Variants in GRIN2A observed in about 807,000 individuals in gnomAD.
The protein encoded by GRIN2A is glutamate receptor ionotropic, NMDA 2A.
Under a neutral mutation model 113.4 loss-of-function variants are expected in GRIN2A, and 22 were observed. The observed-to-expected ratio is 0.19, with a 90% CI of 0.14 to 0.28. The LOEUF (loss-of-function observed/expected upper bound fraction) is 0.28, where lower values mean the gene tolerates loss of function less well. Among genes scored for constraint, GRIN2A ranks in the 10% least tolerant of loss-of-function variants. The pLI, the probability that GRIN2A is intolerant of heterozygous loss-of-function variation, is 1.00. For synonymous variants in GRIN2A, 827 were observed against 738.4 expected, an observed-to-expected ratio of 1.12 and a Z score of -1.94; for missense variants, 1,502 against 1,887.0, an observed-to-expected ratio of 0.80 and a Z score of 3.78.
intron 2 of GRIN2A, among the ~76,000 whole-genome samples, chr16:10,139,305 G>C (rs1473399868): frequency 1.3e-5 from 2 of 152,158 alleles, no homozygotes; most frequent in Admixed American, 6.5e-5. Flanking sequence ...AACCCCAACA[G>C]GTGTTTATTA....
chr16:9,955,474 G>C (rs1391771837), intron 2 of GRIN2A, among the ~76,000 whole-genome samples: 3 of 152,088 alleles, frequency 2.0e-5, no homozygotes, highest in African/African-American at 4.8e-5. Context: ...CTTGTATTAG[G>C]TTAGTGCAAA....
chr16:9,895,931 CA>C (rs1596552205), intron 3 of GRIN2A, among the ~76,000 whole-genome samples: 1 of 152,078 alleles, frequency 6.6e-6, no homozygotes, highest in African/African-American at 2.4e-5. Flanking sequence ...TGGAAATATC[CA>C]GTTTGTTATC....
At chr16:10,097,962 A>G (rs1279486886) in intron 2 of GRIN2A, among the ~76,000 whole-genome samples, 1 of 152,224 alleles carries the variant, frequency 6.6e-6, no homozygotes. Flanking sequence ...TAAACTAAAG[A>G]GCTTCTGCAC....
intron 2 of GRIN2A, chr16:10,037,022 G>T (rs2047049477): frequency 6.6e-6 from 1 of 152,150 alleles, no homozygotes; most frequent in Non-Finnish European, 1.5e-5. Flanking sequence ...TCTGATCCCA[G>T]GAGGATCCAT....
chr16:9,828,008 T>C (rs1260133564), intron 9 of GRIN2A, among the ~76,000 whole-genome samples: 3 of 152,206 alleles, frequency 2.0e-5, no homozygotes, highest in Non-Finnish European at 2.9e-5. Context: ...TTTAAGTTTC[T>C]TGGGAGCCTG....
At chr16:9,787,478 C>A (rs1902300933) in intron 11 of GRIN2A, among the ~76,000 whole-genome samples, 1 of 152,222 alleles carries the variant, frequency 6.6e-6, no homozygotes, top group Non-Finnish European at 1.5e-5. Flanking sequence ...TGATTGATGT[C>A]TTTTGTCTCC....
At chr16:10,112,919 T>C (rs577775677) in intron 2 of GRIN2A, 6 of 417,798 alleles carry the variant, frequency 1.4e-5, no homozygotes, top group East Asian at 1.2e-4. Context: ...GGAGGGAGCA[T>C]ACCCCAGTGT....
Position 9,757,322 on chromosome 16 carries a change from C to G in GRIN2A, c.*5827G>C. Reference sequence around the variant, plus strand: ...AACTGCATTTCCGGGACCACTAACTCTATTCTCCGGAGTTACTTAAAGGTT... The same window carrying G: ...AACTGCATTTCCGGGACCACTAACTGTATTCTCCGGAGTTACTTAAAGGTT... On this transcript the variant is annotated 3_prime_UTR_variant, in exon 13 of 13. Coordinates refer to ENST00000330684, the MANE Select transcript of GRIN2A (RefSeq NM_001134407.3). 4.6e-6 allele frequency: 1 copy of G among 219,748 alleles called. No individual in the cohort carries two copies. Among genetic ancestry groups the G allele is most frequent in the East Asian group, 6.6e-5 (1 of 15,090 alleles). The allele number at this position is 219,748 out of a possible 1,614,324, so 13.6% of individuals were successfully genotyped here. A position where few individuals can be genotyped will look rare whatever the true frequency, so the allele number is the denominator to read the frequency against.
chr16:10,149,701 G>A (rs1374138301), intron 2 of GRIN2A, among the ~76,000 whole-genome samples: 1 of 152,076 alleles, frequency 6.6e-6, no homozygotes, highest in South Asian at 2.1e-4. Flanking sequence ...CTGGATTATT[G>A]TAATATCCTC....
At chr16:10,018,611 C>G (rs2046653172) in intron 2 of GRIN2A, among the ~76,000 whole-genome samples, 1 of 152,130 alleles carries the variant, frequency 6.6e-6, no homozygotes, top group South Asian at 2.1e-4. Context: ...TCTGGTCCAC[C>G]TATTGCTGAT....
At chr16:9,805,122 T>G (rs2041941229) in intron 10 of GRIN2A, among the ~76,000 whole-genome samples, 1 of 152,166 alleles carries the variant, frequency 6.6e-6, no homozygotes, top group Admixed American at 6.5e-5. Flanking sequence ...GACTGTTTAC[T>G]GGCAAATCTA....
chr16:9,888,241 G>T (rs1301331919), intron 4 of GRIN2A, among the ~76,000 whole-genome samples: 1 of 152,168 alleles, frequency 6.6e-6, no homozygotes, highest in Non-Finnish European at 1.5e-5. Context: ...AAAAAAGAGG[G>T]CTGGGCACAG....
intron 3 of GRIN2A, among the ~76,000 whole-genome samples, chr16:9,894,706 C>T (rs1162863011): frequency 1.3e-5 from 2 of 152,148 alleles, no homozygotes; most frequent in Admixed American, 1.3e-4. Context: ...ATTTTGGTTC[C>T]ATTTCCCAGG....
chr16:10,001,640 T>A (rs953844949), intron 2 of GRIN2A, among the ~76,000 whole-genome samples: 17 of 152,300 alleles, frequency 1.1e-4, no homozygotes, highest in African/African-American at 4.1e-4. Context: ...AAATCTCCCA[T>A]CTCATCGTTC....
chr16:9,968,337 G>A (rs1195944572), intron 2 of GRIN2A, among the ~76,000 whole-genome samples: 4 of 152,034 alleles, frequency 2.6e-5, no homozygotes, highest in Non-Finnish European at 4.4e-5. Flanking sequence ...TTTAGAGATG[G>A]AGTTTCGCTC....
At chr16:9,852,535 C>T (rs1170333357) in intron 4 of GRIN2A, among the ~76,000 whole-genome samples, 1 of 152,146 alleles carries the variant, frequency 6.6e-6, no homozygotes, top group East Asian at 1.9e-4. Flanking sequence ...TCTCCAAGTT[C>T]TACTCCCTGT....
chr16:10,099,808 T>C (rs1017085634), intron 2 of GRIN2A, among the ~76,000 whole-genome samples: 1 of 152,222 alleles, frequency 6.6e-6, no homozygotes, highest in Non-Finnish European at 1.5e-5. Context: ...AGTCAGAATG[T>C]TTGTTATTCC....
chr16:9,901,954 T>C (rs566651637), intron 3 of GRIN2A, among the ~76,000 whole-genome samples: 17 of 152,182 alleles, frequency 1.1e-4, no homozygotes, highest in Non-Finnish European at 2.2e-4. Flanking sequence ...CTCTAATATA[T>C]GTTGAATGGT....
intron 7 of GRIN2A, among the ~76,000 whole-genome samples, chr16:9,838,591 T>C (rs2042621405): frequency 6.6e-6 from 1 of 152,176 alleles, no homozygotes; most frequent in Non-Finnish European, 1.5e-5. Context: ...AGGATGGGTA[T>C]GTAGATGCTG....
Sources: gnomAD v4.1 joint callset for allele counts (sites outside exome capture counted in the v4.1 genomes callset) on GRCh38, gnomAD v4.1.1 for gene constraint, MANE v1.5 for transcripts, NCBI Gene and HGNC (gene_info 2026-07-23, HGNC 2026-07-21) for gene names.